Variants in RBMS3 observed in about 807,000 individuals in gnomAD.
The protein encoded by RBMS3 is RNA-binding motif, single-stranded-interacting protein 3.
Under a neutral mutation model 66.8 loss-of-function variants are expected in RBMS3, and 27 were observed. The observed-to-expected ratio is 0.40, with a 90% CI of 0.30 to 0.56. RBMS3 has a LOEUF of 0.56. Ranked by LOEUF, RBMS3 falls within the 20% of genes least tolerant of loss-of-function variation. The probability of loss-of-function intolerance (pLI) is 0.40; values close to 1 mark genes in which losing one functional copy is unlikely to be tolerated. For synonymous variants in RBMS3, 188 were observed against 183.0 expected, an observed-to-expected ratio of 1.03 and a Z score of -0.22; for missense variants, 513 against 549.5, an observed-to-expected ratio of 0.93 and a Z score of 0.66.
chr3:29,607,816 T>C (rs1181964254), intron 4 of RBMS3, among the ~76,000 whole-genome samples: 3 of 152,024 alleles, frequency 2.0e-5, no homozygotes, highest in African/African-American at 4.8e-5. Context: ...ATTAATTGTT[T>C]TCACTATCTT....
At chr3:29,812,348 A>G (rs904719964) in intron 6 of RBMS3, among the ~76,000 whole-genome samples, 1 of 152,204 alleles carries the variant, frequency 6.6e-6, no homozygotes, top group Non-Finnish European at 1.5e-5. Flanking sequence ...CTCCCCTCCT[A>G]CCTTTGAGGA....
At chr3:29,593,219 AAC>A (rs2047818116) in intron 4 of RBMS3, among the ~76,000 whole-genome samples, 1 of 152,166 alleles carries the variant, frequency 6.6e-6, no homozygotes, top group Non-Finnish European at 1.5e-5. Flanking sequence ...ACCAAAGTGC[AAC>A]TATTGGCCTC....
At chr3:29,473,283 T>C (rs191370693) in intron 2 of RBMS3, among the ~76,000 whole-genome samples, 9 of 150,624 alleles carry the variant, frequency 6.0e-5, no homozygotes, top group Admixed American at 5.3e-4. Flanking sequence ...GACAGAGTGC[T>C]GATTGGTGTA....
intron 2 of RBMS3, among the ~76,000 whole-genome samples, chr3:29,447,137 T>C (rs6801015): frequency 0.42 from 64,257 of 151,602 alleles, 13,721 homozygotes; most frequent in South Asian, 0.47. Context: ...GGTCTCGAAC[T>C]CCTGACCTCA....
intron 4 of RBMS3, among the ~76,000 whole-genome samples, chr3:29,665,443 T>C (rs980819290): frequency 6.6e-6 from 1 of 152,254 alleles, no homozygotes; most frequent in Non-Finnish European, 1.5e-5. Flanking sequence ...CAAATAACTA[T>C]TTCAATAATT....
At chr3:29,947,646 C>T (rs1282759105) in intron 12 of RBMS3, among the ~76,000 whole-genome samples, 1 of 151,412 alleles carries the variant, frequency 6.6e-6, no homozygotes, top group Admixed American at 6.6e-5. Context: ...AATCTATTCT[C>T]CTTTTAGTAT....
intron 2 of RBMS3, among the ~76,000 whole-genome samples, chr3:29,482,862 C>T (rs1470591950): frequency 6.6e-6 from 1 of 151,390 alleles, no homozygotes; most frequent in Non-Finnish European, 1.5e-5. Flanking sequence ...TGTGCACCAC[C>T]ACGCCCGGCT....
In RBMS3 at chr3:29,497,969, A is replaced by ATCCT. The variant is rs1553611689; in HGVS notation, c.307+9471_307+9472insCCTT. Reference sequence around the variant, plus strand: ...TTTCTCAGAGTTATTCTCTAAAAGTATTCATTTTTTTTTTTTTTTTTTTTT... The same window carrying ATCCT: ...TTTCTCAGAGTTATTCTCTAAAAGTATCCTTTCATTTTTTTTTTTTTTTTTTTTT... On this transcript the variant is annotated intron_variant, in intron 3 of 14. Transcript: ENST00000383767. Among the ~76,000 whole-genome samples, 13 of 59,328 alleles carry ATCCT rather than the reference A, an allele frequency of 2.2e-4. 1 individual carries two copies. Among genetic ancestry groups the ATCCT allele is most frequent in the Non-Finnish European group, 3.7e-4 (11 of 29,428 alleles). The allele number at this position is 59,328 out of a possible 152,430, so 38.9% of individuals were successfully genotyped here. A position where few individuals can be genotyped will look rare whatever the true frequency, so the allele number is the denominator to read the frequency against.
At chr3:29,948,771 T>C (rs1340955069) in intron 12 of RBMS3, among the ~76,000 whole-genome samples, 2 of 151,854 alleles carry the variant, frequency 1.3e-5, no homozygotes, top group Non-Finnish European at 2.9e-5. Context: ...ATTTTTTCTT[T>C]GTAATAAGTT....
At chr3:29,554,776 G>T (rs564527801) in intron 3 of RBMS3, among the ~76,000 whole-genome samples, 36 of 152,220 alleles carry the variant, frequency 2.4e-4, no homozygotes, top group South Asian at 4.1e-4. Flanking sequence ...TGGTACGGGT[G>T]GCTTATATGA....
chr3:29,392,982 C>T (rs1434875279), intron 1 of RBMS3, among the ~76,000 whole-genome samples: 3 of 152,102 alleles, frequency 2.0e-5, no homozygotes, highest in Non-Finnish European at 4.4e-5. Context: ...GTCAGATTCA[C>T]CCTGCTGAAT....
chr3:29,478,465 A>G (rs2043023550), intron 2 of RBMS3, among the ~76,000 whole-genome samples: 1 of 152,010 alleles, frequency 6.6e-6, no homozygotes, highest in Non-Finnish European at 1.5e-5. Context: ...TGAGAGCTCC[A>G]CCCTCATGAC....
At chr3:29,309,091 G>A (rs1445326946) in intron 1 of RBMS3, among the ~76,000 whole-genome samples, 2 of 151,772 alleles carry the variant, frequency 1.3e-5, no homozygotes, top group African/African-American at 4.8e-5. Flanking sequence ...AAAAGGAACT[G>A]TGGAGGCAGC....
At chr3:29,615,287 C>T (rs2149140400) in intron 4 of RBMS3, 1 of 152,260 alleles carries the variant, frequency 6.6e-6, no homozygotes, top group East Asian at 1.9e-4. Flanking sequence ...AAGATGAGAG[C>T]TGCTCATGTC....
chr3:29,661,254 G>T (rs539392004), intron 4 of RBMS3, among the ~76,000 whole-genome samples: 74 of 152,250 alleles, frequency 4.9e-4, no homozygotes, highest in African/African-American at 1.7e-3. Flanking sequence ...TGTCCAGGTG[G>T]GGAGACAAAT....
chr3:29,563,537 A>G (rs2046630254), intron 3 of RBMS3, among the ~76,000 whole-genome samples: 1 of 152,206 alleles, frequency 6.6e-6, no homozygotes, highest in Non-Finnish European at 1.5e-5. Flanking sequence ...TTATCATCAA[A>G]AAAGGAGCCC....
At chr3:29,305,374 A>G (rs1478728899) in intron 1 of RBMS3, among the ~76,000 whole-genome samples, 1 of 151,848 alleles carries the variant, frequency 6.6e-6, no homozygotes, top group Non-Finnish European at 1.5e-5. Flanking sequence ...GATCTATTAC[A>G]TTCTTTGTTG....
At chr3:29,608,106 A>C (rs1232327204) in intron 4 of RBMS3, among the ~76,000 whole-genome samples, 1 of 151,698 alleles carries the variant, frequency 6.6e-6, no homozygotes, top group Non-Finnish European at 1.5e-5. Context: ...AGAATACATT[A>C]TATTATTTTA....
chr3:29,987,771 T>C (rs1030229508), intron 12 of RBMS3, among the ~76,000 whole-genome samples: 2 of 152,134 alleles, frequency 1.3e-5, no homozygotes, highest in Non-Finnish European at 1.5e-5. Flanking sequence ...TACTATGTGA[T>C]AGGTGCTAGC....
Sources: gnomAD v4.1 joint callset for allele counts (sites outside exome capture counted in the v4.1 genomes callset) on GRCh38, gnomAD v4.1.1 for gene constraint, MANE v1.5 for transcripts, NCBI Gene and HGNC (gene_info 2026-07-23, HGNC 2026-07-21) for gene names.